The following DCP1B variants were observed in gnomAD, a reference collection of about 807,000 sequenced individuals.
The protein encoded by DCP1B is mRNA-decapping enzyme 1B.
Under a neutral mutation model 60.5 loss-of-function variants are expected in DCP1B, and 47 were observed. The ratio of observed to expected loss-of-function variants is 0.78; its 90% CI spans 0.61 to 0.99. The LOEUF (loss-of-function observed/expected upper bound fraction) is 0.99, where lower values mean the gene tolerates loss of function less well. Among genes scored for constraint, DCP1B ranks in the 50% least tolerant of loss-of-function variants. The pLI is 0.00. For missense variants in DCP1B, 725 were observed against 756.8 expected, an observed-to-expected ratio of 0.96 and a Z score of 0.49; for synonymous variants, 267 against 280.3, an observed-to-expected ratio of 0.95 and a Z score of 0.47.
chr12:1,967,918 A>C lies in DCP1B; in HGVS notation c.320-8T>G. On this transcript the variant is annotated splice_region_variant and splice_polypyrimidine_tract_variant and intron_variant, in intron 3 of 8. Coordinates refer to ENST00000280665, the MANE Select transcript of DCP1B (RefSeq NM_152640.5). Reference sequence around the variant, plus strand: ...AAATTCCATAGATGGACACTGCAAAAAACACACATCAAACAAATTATGAGC... The same window carrying C: ...AAATTCCATAGATGGACACTGCAAACAACACACATCAAACAAATTATGAGC... The C allele has an allele frequency of 4.3e-6, 7 of 1,610,208 alleles. No homozygotes were observed. The highest frequency in any genetic ancestry group is 5.9e-6 in the Non-Finnish European group (7 of 1,178,922).
At chr12:2,004,103 C>T in intron 1 of DCP1B, 179 bp downstream of exon 1, 2 of 849,896 alleles carry the variant, frequency 2.4e-6, no homozygotes, top group Non-Finnish European at 3.6e-6. Context: ...ACAGATCCGC[C>T]TTCCTTCCCC....
chr12:1,968,734 G>A (rs1033230355), intron 3 of DCP1B, among the ~76,000 whole-genome samples: 7 of 152,122 alleles, frequency 4.6e-5, no homozygotes, highest in African/African-American at 1.7e-4. Context: ...TTAGGGAGAG[G>A]CCACTGGAAA....
In DCP1B at chr12:1,993,365, G is replaced by A; in HGVS notation, c.218C>T (p.Thr73Ile). The part of the protein sequence containing the change: ...TRSASPKHGF[T>I]IMNRLSMENR... ...TTCCATGCTCAGCCTATTCATAATG[G>A]TGAATCCATGCTTTGGAGAAGCAGA... is the stretch of plus-strand genomic sequence containing the variant. Residue 73 changes from threonine to isoleucine, a missense_variant, in exon 3 of 9, where the codon ACC becomes ATC. Coordinates refer to ENST00000280665, the MANE Select transcript of DCP1B (RefSeq NM_152640.5). The A allele has an allele frequency of 6.2e-7, 1 of 1,613,088 alleles. No homozygotes were observed. Among genetic ancestry groups the A allele is most frequent in the African/African-American group, 1.3e-5 (1 of 75,000 alleles).
chr12:1,987,762 T>C (rs1400468754), intron 3 of DCP1B, among the ~76,000 whole-genome samples: 6 of 152,194 alleles, frequency 3.9e-5, no homozygotes, highest in Admixed American at 3.9e-4. Context: ...AATGCTTTCA[T>C]ATTCAGTGTC....
At chr12:2,003,275 T>A (rs959941160) in intron 1 of DCP1B, among the ~76,000 whole-genome samples, 2 of 152,250 alleles carry the variant, frequency 1.3e-5, no homozygotes, top group Non-Finnish European at 2.9e-5. Flanking sequence ...TCAACATGGA[T>A]GTTTTCCTAG....
chr12:1,995,349 C>G (rs1291614086), intron 2 of DCP1B, among the ~76,000 whole-genome samples: 1 of 152,238 alleles, frequency 6.6e-6, no homozygotes, highest in East Asian at 1.9e-4. Context: ...GTGCATGGCA[C>G]ATAGTACAGT....
In DCP1B at chr12:1,991,523, A is replaced by G. The variant is rs538985033; in HGVS notation, c.319+1741T>C. 22 of 240,576 alleles carry G rather than the reference A, an allele frequency of 9.1e-5. No individual in the cohort carries two copies. The South Asian group carries it at 1.0e-3, about 11-fold the overall frequency. The allele number at this position is 240,576 out of a possible 1,614,324, so 14.9% of individuals were successfully genotyped here. A position where few individuals can be genotyped will look rare whatever the true frequency, so the allele number is the denominator to read the frequency against. Reference sequence around the variant, plus strand: ...TATTGTCATTTCAACATGTTAATATAAAATAATTAATAATTGAGGTTTTTT... The same window carrying G: ...TATTGTCATTTCAACATGTTAATATGAAATAATTAATAATTGAGGTTTTTT... On this transcript the variant is annotated intron_variant, in intron 3 of 8. Transcript: ENST00000280665.
chr12:1,980,134 G>A (rs2035681161), intron 3 of DCP1B, among the ~76,000 whole-genome samples: 1 of 152,060 alleles, frequency 6.6e-6, no homozygotes, highest in Admixed American at 6.5e-5. Context: ...AGATAGATAG[G>A]CATACATATC....
chr12:1,977,381 C>T (rs1252491490), intron 3 of DCP1B, among the ~76,000 whole-genome samples: 1 of 152,216 alleles, frequency 6.6e-6, no homozygotes, highest in African/African-American at 2.4e-5. Context: ...TTTTGGAAAG[C>T]TCGACAACTT....
At chr12:1,973,318 T>C (rs1374034119) in intron 3 of DCP1B, among the ~76,000 whole-genome samples, 3 of 152,148 alleles carry the variant, frequency 2.0e-5, no homozygotes, top group Non-Finnish European at 4.4e-5. Flanking sequence ...GGGTGACTAA[T>C]ACTCATGAAC....
intron 4 of DCP1B, 147 bp from the exon 5 acceptor site, chr12:1,965,840 T>A: frequency 9.0e-7 from 1 of 1,110,294 alleles, no homozygotes. Flanking sequence ...AGGAGAAAAA[T>A]GAGAGTTGAG....
chr12:1,950,454 C>G (rs1478793217), intron 7 of DCP1B: 4 of 696,346 alleles, frequency 5.7e-6, no homozygotes, highest in Admixed American at 2.0e-5. Context: ...TCTAAATCAT[C>G]AAAGAGGAAA....
intron 1 of DCP1B, among the ~76,000 whole-genome samples, chr12:2,003,594 A>T (rs1037862014): frequency 3.3e-5 from 5 of 152,214 alleles, no homozygotes; most frequent in Non-Finnish European, 7.3e-5. Flanking sequence ...ATTTCATTCC[A>T]TTACCATTTA....
intron 7 of DCP1B, 75 bp downstream of exon 7, chr12:1,952,341 T>A (rs1373151805): frequency 2.2e-5 from 5 of 224,704 alleles, no homozygotes; most frequent in Admixed American, 1.7e-4. Flanking sequence ...GCCTGGCTAC[T>A]TTTTTTTTTT....
chr12:1,972,266 TAA>T (rs2032617612), intron 3 of DCP1B, among the ~76,000 whole-genome samples: 1 of 152,258 alleles, frequency 6.6e-6, no homozygotes, highest in Admixed American at 6.5e-5. Context: ...AAGAGTAGAA[TAA>T]TATTTTCAAT....
chr12:1,981,263 T>G (rs1013884795), intron 3 of DCP1B, among the ~76,000 whole-genome samples: 1 of 152,216 alleles, frequency 6.6e-6, no homozygotes, highest in Non-Finnish European at 1.5e-5. Flanking sequence ...GGCTCCTTAA[T>G]GCCTAATGGC....
chr12:1,985,520 C>T (rs1490703104), intron 3 of DCP1B, among the ~76,000 whole-genome samples: 4 of 152,076 alleles, frequency 2.6e-5, no homozygotes, highest in African/African-American at 9.7e-5. Context: ...CCAGTTTTAC[C>T]TCACAGAGCA....
chr12:1,958,963 A>G (rs925476800), intron 5 of DCP1B, among the ~76,000 whole-genome samples: 49 of 145,852 alleles, frequency 3.4e-4, no homozygotes, highest in African/African-American at 1.1e-3. Flanking sequence ...GAAACAGGGG[A>G]AAAGCTCCCC....
intron 3 of DCP1B, among the ~76,000 whole-genome samples, chr12:1,975,675 A>G (rs1211394577): frequency 2.0e-5 from 3 of 152,198 alleles, no homozygotes; most frequent in Non-Finnish European, 4.4e-5. Flanking sequence ...GAATAGCATT[A>G]CTATGTTTTC....
Sources: allele counts gnomAD v4.1 joint callset (sites outside exome capture counted in the v4.1 genomes callset), GRCh38; gene constraint gnomAD v4.1.1; transcripts MANE v1.5; gene names NCBI Gene and HGNC (gene_info 2026-07-23, HGNC 2026-07-21).